Variants in LYRM1 observed in about 807,000 individuals in gnomAD.
LYRM1 encodes the protein LYR motif containing 1.
Under a neutral mutation model 14.9 loss-of-function variants are expected in LYRM1, and 14 were observed. The ratio of observed to expected loss-of-function variants is 0.94; its 90% CI spans 0.62 to 1.47. LYRM1 has a LOEUF of 1.47. Ranked by LOEUF, LYRM1 falls within the 40% of genes most tolerant of loss-of-function variation. The pLI is 0.00. For missense variants in LYRM1, 153 were observed against 149.9 expected (o/e 1.02, Z -0.11); for synonymous variants, 43 against 56.2 (o/e 0.77, Z 1.05).
chr16:20,909,137 A>T (rs1265909821), intron 1 of LYRM1, among the ~76,000 whole-genome samples: 3 of 152,200 alleles, frequency 2.0e-5, no homozygotes, highest in African/African-American at 4.8e-5. Context: ...CTATGACCAG[A>T]GGCCACAACA....
intron 1 of LYRM1, among the ~76,000 whole-genome samples, chr16:20,906,389 T>C (rs1409860311): frequency 6.6e-6 from 1 of 152,238 alleles, no homozygotes; most frequent in East Asian, 1.9e-4. Context: ...GGGTGGAGTT[T>C]ATGATTCCCC....
intron 2 of LYRM1, among the ~76,000 whole-genome samples, chr16:20,917,757 C>G (rs553878839): frequency 6.6e-6 from 1 of 152,062 alleles, no homozygotes; most frequent in East Asian, 1.9e-4. Flanking sequence ...GACTCTGTCA[C>G]CAAAAAAACC....
chr16:20,918,688 A>G (rs1333436423), intron 2 of LYRM1, among the ~76,000 whole-genome samples: 1 of 152,150 alleles, frequency 6.6e-6, no homozygotes, highest in East Asian at 1.9e-4. Context: ...TCCCTCATGC[A>G]GACATAATGA....
rs1349128963 is a variant in LYRM1 at position 20,922,928 on chromosome 16, G to T, written c.253-1072G>T. ...GAGTCCACAGGCCTGAGAACCCAAG[G>T]GGCCAATGGTAGAAATCCCCAGTCT... On this transcript the variant is annotated intron_variant, in intron 3 of 3. Coordinates refer to ENST00000567954, the MANE Select transcript of LYRM1 (RefSeq NM_001128302.3). Among the ~76,000 whole-genome samples the T allele has an allele frequency of 4.6e-5, 7 of 152,126 alleles. No homozygotes were observed. The East Asian group carries it at 1.3e-3, about 29-fold the overall frequency.
At chr16:20,908,151 A>G (rs1030464697) in intron 1 of LYRM1, among the ~76,000 whole-genome samples, 4 of 152,230 alleles carry the variant, frequency 2.6e-5, no homozygotes, top group Admixed American at 2.0e-4. Context: ...CGGGGAATGG[A>G]AGAGCAAAGC....
At chr16:20,910,940 G>A (rs1342375793) in intron 1 of LYRM1, among the ~76,000 whole-genome samples, 1 of 152,222 alleles carries the variant, frequency 6.6e-6, no homozygotes, top group Non-Finnish European at 1.5e-5. Context: ...TACCTCACAG[G>A]AACTGACTCA....
chr16:20,909,802 C>T (rs2082498420), intron 1 of LYRM1, among the ~76,000 whole-genome samples: 1 of 152,164 alleles, frequency 6.6e-6, no homozygotes, highest in Admixed American at 6.5e-5. Flanking sequence ...TTCTATAGCA[C>T]AGGATACTCT....
chr16:20,922,397 A>T (rs2083240804), intron 3 of LYRM1, among the ~76,000 whole-genome samples: 1 of 152,210 alleles, frequency 6.6e-6, no homozygotes, highest in Admixed American at 6.5e-5. Flanking sequence ...ACATCTAGGG[A>T]CAGCTAGATG....
rs66928042 is a variant in LYRM1 at position 20,903,966 on chromosome 16, TATGAATGA to T, written c.-1+3102_-1+3109del. ...GGGTGAAAGATCCTGGCTGGGGAGT[TATGAATGA>T]ATGAATGAATGAATGAATGAATGAT... On this transcript the variant is annotated intron_variant, in intron 1 of 3. Coordinates refer to ENST00000567954, the MANE Select transcript of LYRM1 (RefSeq NM_001128302.3). 2.5e-3 allele frequency among the ~76,000 whole-genome samples: 370 copies of T among 149,726 alleles called. 1 individual carries two copies. Among genetic ancestry groups the T allele is most frequent in the Middle Eastern group, 6.8e-3 (2 of 292 alleles).
At chr16:20,913,433 C>T (rs1224865993) in intron 1 of LYRM1, among the ~76,000 whole-genome samples, 1 of 151,806 alleles carries the variant, frequency 6.6e-6, no homozygotes, top group Non-Finnish European at 1.5e-5. Flanking sequence ...GTGCCTCAGC[C>T]TCCAAATAGC....
chr16:20,903,335 C>T (rs1041711445), intron 1 of LYRM1, among the ~76,000 whole-genome samples: 3 of 152,238 alleles, frequency 2.0e-5, no homozygotes, highest in African/African-American at 7.2e-5. Context: ...CTATGTGGCT[C>T]ATGCTCAGGG....
At chr16:20,904,691 T>TTTGTGTGTGTG (rs148224628) in intron 1 of LYRM1, among the ~76,000 whole-genome samples, 10 of 141,148 alleles carry the variant, frequency 7.1e-5, no homozygotes, top group African/African-American at 2.7e-4. Context: ...AAGTCTGTGG[T>TTTGTGTGTGTG]TGTGTGTGTG....
At chr16:20,906,809 C>T (rs1380266249) in intron 1 of LYRM1, among the ~76,000 whole-genome samples, 1 of 152,162 alleles carries the variant, frequency 6.6e-6, no homozygotes, top group East Asian at 1.9e-4. Context: ...GATGAGGCCC[C>T]TCATACCAGC....
chr16:20,907,370 T>C (rs925752954), intron 1 of LYRM1, among the ~76,000 whole-genome samples: 2 of 152,120 alleles, frequency 1.3e-5, no homozygotes, highest in Non-Finnish European at 2.9e-5. Flanking sequence ...TTTTTTATTT[T>C]CATTTTTTGA....
In LYRM1 at chr16:20,906,219, C is replaced by T. The variant is rs2269765; in HGVS notation, c.-1+5330C>T. 5.5e-4 allele frequency among the ~76,000 whole-genome samples: 83 copies of T among 152,214 alleles called. 1 individual carries two copies. The East Asian group carries it at 0.014, about 26-fold the overall frequency. On this transcript the variant is annotated intron_variant, in intron 1 of 3. Coordinates refer to ENST00000567954, the MANE Select transcript of LYRM1 (RefSeq NM_001128302.3). ...GAGTGCACATAGCCGGGACACTGAC[C>T]CAGCCCCAGTGTGAAAAGGGCACCC...
intron 1 of LYRM1, among the ~76,000 whole-genome samples, chr16:20,912,267 T>G (rs951837946): frequency 7.2e-6 from 1 of 139,702 alleles, no homozygotes; most frequent in Non-Finnish European, 1.6e-5. Flanking sequence ...TTGGTATTTT[T>G]GGGTTTTTTT....
chr16:20,921,186 C>G (rs2083169444), intron 3 of LYRM1: 1 of 152,066 alleles, frequency 6.6e-6, no homozygotes, highest in South Asian at 2.1e-4. Context: ...ACCTCCCAGG[C>G]TAAAGTGATT....
intron 1 of LYRM1, among the ~76,000 whole-genome samples, chr16:20,913,711 C>T (rs1398896802): frequency 5.9e-5 from 9 of 152,172 alleles, no homozygotes; most frequent in Non-Finnish European, 1.2e-4. Flanking sequence ...AATATACCTA[C>T]GTCCGTTCTC....
At position 20,916,404 on chromosome 16, in the gene LYRM1, G is replaced by A. The variant is rs141774815; in HGVS notation, c.159+690G>A. ...GGCTTTCACACCCGACTTCTCTTCC[G>A]TCTCCTCACTGATCTAATGGATTCA... On this transcript the variant is annotated intron_variant, in intron 2 of 3. Coordinates refer to ENST00000567954, the MANE Select transcript of LYRM1 (RefSeq NM_001128302.3). Among the ~76,000 whole-genome samples, 726 of 152,236 alleles carry A rather than the reference G, an allele frequency of 4.8e-3. 5 individuals are homozygous for A. The highest frequency in any genetic ancestry group is 0.016 in the African/African-American group (658 of 41,540).
Sources: allele counts gnomAD v4.1 joint callset (sites outside exome capture counted in the v4.1 genomes callset), GRCh38; gene constraint gnomAD v4.1.1; transcripts MANE v1.5; gene names NCBI Gene and HGNC (gene_info 2026-07-23, HGNC 2026-07-21).